The following CCDC172 variants were observed in gnomAD, a reference collection of about 807,000 sequenced individuals.
The protein encoded by CCDC172 is coiled-coil domain containing 172.
CCDC172 carries 30 observed loss-of-function variants against 38.0 expected under a neutral mutation model. The observed-to-expected ratio is 0.79, with a 90% CI of 0.59 to 1.07. The LOEUF (loss-of-function observed/expected upper bound fraction) is 1.07. Among genes scored for constraint, CCDC172 ranks in the 50% least tolerant of loss-of-function variants. The probability of loss-of-function intolerance (pLI) is 0.00; values close to 1 mark genes in which losing one functional copy is unlikely to be tolerated. For synonymous variants in CCDC172, 78 were observed against 88.3 expected, an observed-to-expected ratio of 0.88 and a Z score of 0.66; for missense variants, 297 against 290.1, an observed-to-expected ratio of 1.02 and a Z score of -0.17.
intron 3 of CCDC172, among the ~76,000 whole-genome samples, chr10:116,329,104 T>G (rs1844625394): frequency 6.6e-6 from 1 of 152,214 alleles, no homozygotes; most frequent in African/African-American, 2.4e-5. Flanking sequence ...TATATAAACC[T>G]AACTGTAAAC....
chr10:116,375,392 C>T (rs1360891391), intron 7 of CCDC172, among the ~76,000 whole-genome samples: 1 of 151,906 alleles, frequency 6.6e-6, no homozygotes, highest in African/African-American at 2.4e-5. Flanking sequence ...GTTTGCTGCA[C>T]CCATCAACCC....
intron 7 of CCDC172, among the ~76,000 whole-genome samples, chr10:116,377,270 C>T (rs896060327): frequency 6.6e-6 from 1 of 152,096 alleles, no homozygotes; most frequent in Non-Finnish European, 1.5e-5. Flanking sequence ...AGGAGACTGC[C>T]TTATGTTGGT....
chr10:116,376,876 T>C (rs923917523), intron 7 of CCDC172, among the ~76,000 whole-genome samples: 2 of 152,162 alleles, frequency 1.3e-5, no homozygotes, highest in African/African-American at 4.8e-5. Context: ...GGTACTGTTA[T>C]CATTGAAGAC....
At chr10:116,376,142 G>A (rs74687233) in intron 7 of CCDC172, among the ~76,000 whole-genome samples, 1,930 of 152,230 alleles carry the variant, frequency 0.013, 97 homozygotes, top group East Asian at 0.098. Context: ...CATCAATGAT[G>A]GGCATTTGGA....
chr10:116,349,808 G>C (rs1331413967), intron 5 of CCDC172, among the ~76,000 whole-genome samples: 1 of 152,102 alleles, frequency 6.6e-6, no homozygotes, highest in African/African-American at 2.4e-5. Context: ...AGAGAGGGAG[G>C]GAGTGGAGAA....
chr10:116,369,801 A>T (rs1241326698), intron 7 of CCDC172, among the ~76,000 whole-genome samples: 1 of 152,026 alleles, frequency 6.6e-6, no homozygotes, highest in Admixed American at 6.6e-5. Context: ...CATCGAGGTC[A>T]TACCATTTTG....
In CCDC172 at chr10:116,379,726, A is replaced by T. The variant is rs1054442877; in HGVS notation, c.*368A>T. The T allele has an allele frequency of 1.2e-5, 2 of 162,688 alleles. No homozygotes were observed. The highest frequency in any genetic ancestry group is 1.3e-4 in the Admixed American group (2 of 15,820). 10.1% of individuals were successfully genotyped at this position (162,688 alleles called of 1,614,324 possible). ...TGCCCAAATCTCATGTTGAATTGTG[A>T]TCCCCACTGTTGGAGGTGGGTCCTG... On this transcript the variant is annotated 3_prime_UTR_variant, in exon 9 of 9. Transcript: ENST00000333254.
chr10:116,329,603 G>GGGGT (rs1295005416), intron 3 of CCDC172, among the ~76,000 whole-genome samples: 2 of 152,028 alleles, frequency 1.3e-5, no homozygotes, highest in Non-Finnish European at 2.9e-5. Flanking sequence ...TGAGTTCAAA[G>GGGGT]GGGTCCCCAA....
intron 3 of CCDC172, among the ~76,000 whole-genome samples, chr10:116,329,352 G>C (rs1844629136): frequency 6.9e-6 from 1 of 145,070 alleles, no homozygotes; most frequent in Non-Finnish European, 1.5e-5. Context: ...TTTTTTCTTG[G>C]ATATGCCAAT....
At chr10:116,366,735 C>T (rs867973779) in intron 7 of CCDC172, among the ~76,000 whole-genome samples, 11 of 152,164 alleles carry the variant, frequency 7.2e-5, no homozygotes, top group East Asian at 1.9e-4. Flanking sequence ...CACAAGATGA[C>T]GACAGACTAT....
At chr10:116,367,138 A>G (rs1307183617) in intron 7 of CCDC172, among the ~76,000 whole-genome samples, 1 of 152,172 alleles carries the variant, frequency 6.6e-6, no homozygotes, top group Non-Finnish European at 1.5e-5. Flanking sequence ...TTCTAGTTGA[A>G]GAGTTCCTAC....
chr10:116,333,284 A>G (rs950879281), intron 3 of CCDC172, among the ~76,000 whole-genome samples: 11 of 152,004 alleles, frequency 7.2e-5, no homozygotes, highest in Non-Finnish European at 1.3e-4. Flanking sequence ...TCCTGTTCTC[A>G]TTTTCTTGAA....
chr10:116,343,249 C>T (rs1844817750), intron 5 of CCDC172, among the ~76,000 whole-genome samples: 1 of 152,124 alleles, frequency 6.6e-6, no homozygotes, highest in South Asian at 2.1e-4. Context: ...TACATGTCCT[C>T]TTGATCTGAA....
chr10:116,342,004 C>G, intron 4 of CCDC172, 32 bp from the exon 5 acceptor site: 1 of 1,378,606 alleles, frequency 7.3e-7, no homozygotes, highest in Non-Finnish European at 9.7e-7. Context: ...GCAACTAACA[C>G]CTATATTTGA....
intron 3 of CCDC172, among the ~76,000 whole-genome samples, chr10:116,336,392 G>GT (rs11431549): frequency 0.011 from 1,626 of 151,180 alleles, 38 homozygotes; most frequent in African/African-American, 0.038. Context: ...GGGAGTGGGG[G>GT]TGAAAATCAT....
intron 7 of CCDC172, among the ~76,000 whole-genome samples, chr10:116,374,826 A>C (rs1326116199): frequency 6.6e-6 from 1 of 152,000 alleles, no homozygotes; most frequent in African/African-American, 2.4e-5. Flanking sequence ...CATTAGATAA[A>C]AGAGTAAGAC....
chr10:116,347,494 A>C (rs1026319470), intron 5 of CCDC172, among the ~76,000 whole-genome samples: 3 of 152,194 alleles, frequency 2.0e-5, no homozygotes, highest in Non-Finnish European at 4.4e-5. Context: ...AATTCATTAC[A>C]TTAATAGATT....
At chr10:116,361,299 T>C (rs1256321050) in intron 7 of CCDC172, among the ~76,000 whole-genome samples, 1 of 152,096 alleles carries the variant, frequency 6.6e-6, no homozygotes, top group African/African-American at 2.4e-5. Flanking sequence ...TTTTTTGTTA[T>C]TACCCAACAC....
chr10:116,335,811 T>G (rs1775576829), intron 3 of CCDC172, among the ~76,000 whole-genome samples: 2 of 152,154 alleles, frequency 1.3e-5, no homozygotes, highest in African/African-American at 2.4e-5. Flanking sequence ...TGTTACTAGC[T>G]TCTTTACTAA....
Sources: allele counts gnomAD v4.1 joint callset (sites outside exome capture counted in the v4.1 genomes callset), GRCh38; gene constraint gnomAD v4.1.1; transcripts MANE v1.5; gene names NCBI Gene and HGNC (gene_info 2026-07-23, HGNC 2026-07-21).